ICE1: variants seen among roughly 807,000 people sequenced by gnomAD.
ICE1 encodes little elongation complex subunit 1.
ICE1 carries 64 observed loss-of-function variants against 192.7 expected under a neutral mutation model. The observed-to-expected ratio is 0.33, with a 90% confidence interval of 0.27 to 0.41. ICE1 has a LOEUF of 0.41. ICE1 is among the 10% of genes least tolerant of loss of function. The probability of loss-of-function intolerance (pLI) is 1.00; values close to 1 mark genes in which losing one functional copy is unlikely to be tolerated. For synonymous variants in ICE1, 1,010 were observed against 984.5 expected (o/e 1.03, Z -0.49); for missense variants, 2,708 against 2,696.0 (o/e 1.00, Z -0.10).
chr5:5,469,532 A>C (rs973123534), intron 15 of ICE1, among the ~76,000 whole-genome samples: 1 of 152,170 alleles, frequency 6.6e-6, no homozygotes, highest in Non-Finnish European at 1.5e-5. Flanking sequence ...TTACCTAATG[A>C]GAGTCTAACT....
Position 5,475,953 on chromosome 5 carries a change from T to C in ICE1, c.6414-20T>C, listed in dbSNP as rs769793307. The stretch of plus-strand genomic sequence containing the variant: ...TTGAGTGATGATGAGCATACATCTT[T>C]TCATGTTGTTTTTTTATAGTAAGGA... On this transcript the variant is annotated intron_variant, in intron 16 of 18. Transcript: ENST00000296564. 3 of 1,428,416 alleles carry C rather than the reference T, an allele frequency of 2.1e-6. No homozygotes were observed. In the Admixed American group the frequency reaches 5.2e-5, roughly 25 times the overall value. The allele number at this position is 1,428,416 out of a possible 1,614,324, so 88.5% of individuals were successfully genotyped here. A position where few individuals can be genotyped will look rare whatever the true frequency, so the allele number is the denominator to read the frequency against.
chr5:5,431,953 T>C (rs1737723006), intron 1 of ICE1, among the ~76,000 whole-genome samples: 1 of 152,178 alleles, frequency 6.6e-6, no homozygotes, highest in East Asian at 1.9e-4. Flanking sequence ...TTTCCTTCTT[T>C]CTCGTGTCTG....
At chr5:5,482,959 A>G (rs1171981144) in intron 17 of ICE1, among the ~76,000 whole-genome samples, 1 of 152,082 alleles carries the variant, frequency 6.6e-6, no homozygotes. Context: ...GTCACACACT[A>G]ATCTTCATAA....
In ICE1 at chr5:5,479,372, G is replaced by A. The variant is rs114321394; in HGVS notation, c.6520+3293G>A. 6.4e-3 allele frequency among the ~76,000 whole-genome samples: 978 copies of A among 152,290 alleles called. 10 individuals carry two copies. The highest frequency in any genetic ancestry group is 0.022 in the African/African-American group (913 of 41,536). On this transcript the variant is annotated intron_variant, in intron 17 of 18. Transcript: ENST00000296564. Reference sequence around the variant, plus strand: ...ATCATTCACTGGTTATTAGAGAAACGCAAATCAAAACCACTATGAGGTACC... The same window carrying A: ...ATCATTCACTGGTTATTAGAGAAACACAAATCAAAACCACTATGAGGTACC...
chr5:5,455,532 T>A (rs1450628719), intron 11 of ICE1, among the ~76,000 whole-genome samples: 4 of 152,258 alleles, frequency 2.6e-5, no homozygotes. Context: ...TTTGATTTTA[T>A]GTTGTCAAGC....
Position 5,461,086 on chromosome 5 carries a change from T to C in ICE1, c.1752T>C (p.His584=). Residue 584 remains histidine (H), a synonymous_variant, in exon 13 of 19, where the codon CAT becomes CAC. Transcript: ENST00000296564. ...SEPDRITVSG[H]FHRLSRELEK... is the part of the protein sequence containing the mutation. ...CAGACCGTATCACAGTTTCTGGCCATTTTCACAGACTATCTAGAGAATTGG... is the reference window on the plus strand; with the variant it reads ...CAGACCGTATCACAGTTTCTGGCCACTTTCACAGACTATCTAGAGAATTGG... The C allele has an allele frequency of 1.2e-6, 2 of 1,614,038 alleles. No homozygotes were observed. Among genetic ancestry groups the C allele is most frequent in the Non-Finnish European group, 1.7e-6 (2 of 1,179,884 alleles).
Position 5,463,712 on chromosome 5 carries a change from G to GGAA in ICE1, c.4379_4380insAAG (p.Gly1460_Cys1461insSer). ...TCAGGATCAAGGAGAGCTGGAAGCT[G>GGAA]GTTGCATCCCAGTGACTTCTGCTGA... On this transcript the variant is annotated inframe_insertion, in exon 13 of 19. Coordinates refer to ENST00000296564, the MANE Select transcript of ICE1 (RefSeq NM_015325.3). The GGAA allele has an allele frequency of 6.2e-7, 1 of 1,613,914 alleles. No homozygotes were observed. The highest frequency in any genetic ancestry group is 8.5e-7 in the Non-Finnish European group (1 of 1,179,860).
At chr5:5,426,822 C>T (rs979326881) in intron 1 of ICE1, among the ~76,000 whole-genome samples, 1 of 152,194 alleles carries the variant, frequency 6.6e-6, no homozygotes, top group Non-Finnish European at 1.5e-5. Flanking sequence ...ATTATAACTA[C>T]GTGAAGTTCC....
chr5:5,477,348 T>C (rs1739348000), intron 17 of ICE1, among the ~76,000 whole-genome samples: 1 of 152,184 alleles, frequency 6.6e-6, no homozygotes, highest in Non-Finnish European at 1.5e-5. Flanking sequence ...CATCAGAGAA[T>C]ACTGTAAACA....
chr5:5,437,555 G>GTA (rs919297853), intron 3 of ICE1: 14 of 163,466 alleles, frequency 8.6e-5, no homozygotes, highest in South Asian at 6.8e-4. Context: ...AAATGTGTGT[G>GTA]TATATATATA....
At chr5:5,471,345 T>G (rs1014889600) in intron 15 of ICE1, among the ~76,000 whole-genome samples, 4 of 151,352 alleles carry the variant, frequency 2.6e-5, no homozygotes, top group African/African-American at 9.7e-5. Flanking sequence ...GATTAAAACT[T>G]TTCTGTACAA....
chr5:5,463,557 T>A lies in ICE1; in HGVS notation c.4223T>A (p.Val1408Glu), dbSNP rs1364928848. 1.2e-6 allele frequency: 2 copies of A among 1,613,974 alleles called. No individual in the cohort carries two copies. Among genetic ancestry groups the A allele is most frequent in the Non-Finnish European group, 8.5e-7 (1 of 1,179,850 alleles). Residue 1408 changes from valine to glutamate, a missense_variant, in exon 13 of 19, where the codon GTA (valine) becomes GAA (glutamate). Transcript: ENST00000296564. ...ACAGTGACCTCAGAAGTTATAAACGTACTTATAAATAAGGATCAGAATCTA... is the reference window on the plus strand; with the variant it reads ...ACAGTGACCTCAGAAGTTATAAACGAACTTATAAATAAGGATCAGAATCTA... The part of the protein sequence containing the change: ...IATVTSEVIN[V>E]LINKDQNLVI...
chr5:5,457,537 T>A lies in ICE1; in HGVS notation c.897T>A (p.Asn299Lys), dbSNP rs1349914577. 1.9e-6 allele frequency: 3 copies of A among 1,613,914 alleles called. No individual in the cohort carries two copies. The African/African-American group carries it at 4.0e-5, about 22-fold the overall frequency. Residue 299 changes from asparagine to lysine, a missense_variant, in exon 12 of 19, where the codon AAT becomes AAA. Asn to Lys is a moderately conservative substitution (Grantham distance 94, BLOSUM62 0). Coordinates refer to ENST00000296564, the MANE Select transcript of ICE1 (RefSeq NM_015325.3). ...ATTGTAGTTCTGACCATGTTTTTAA[T>A]GAGAATGGAAATCTTGAGGTTTTAG... ...GTNCSSDHVF[N>K]ENGNLEVLVQ...
In ICE1 at chr5:5,436,434, T is replaced by G; in HGVS notation, c.101T>G (p.Val34Gly). The stretch of plus-strand genomic sequence containing the variant: ...TTCTTTCAGAATTTGAATGAATATG[T>G]TGAAGCATTAATTACCTTGAAACAA... ...ASLQQNLNEY[V>G]EALITLKQKI... is the part of the protein sequence containing the mutation. Residue 34 changes from valine (V) to glycine (G), a missense_variant, in exon 2 of 19, where the codon GTT becomes GGT. Val to Gly is a moderately radical substitution (Grantham distance 109). This residue lies in a region of ICE1 where 2,366 missense variants were observed against 2,276.6 expected (regional missense o/e 1.04). Coordinates refer to ENST00000296564, the MANE Select transcript of ICE1 (RefSeq NM_015325.3). 1 of 1,478,302 alleles carries G rather than the reference T, an allele frequency of 6.8e-7. No individual in the cohort carries two copies. Among genetic ancestry groups the G allele is most frequent in the Non-Finnish European group, 9.0e-7 (1 of 1,111,712 alleles). 91.6% of individuals were successfully genotyped at this position (1,478,302 alleles called of 1,614,324 possible).
intron 12 of ICE1, 68 bp downstream of exon 12, chr5:5,457,809 C>T (rs1020472716): frequency 7.9e-6 from 11 of 1,398,282 alleles, no homozygotes. Flanking sequence ...GTCCTTGATG[C>T]TCAAAGGATA....
At chr5:5,473,316 T>A (rs1391521152) in intron 15 of ICE1, among the ~76,000 whole-genome samples, 1 of 152,242 alleles carries the variant, frequency 6.6e-6, no homozygotes, top group Non-Finnish European at 1.5e-5. Flanking sequence ...AGGTAAGCTC[T>A]TTTCTACCTG....
intron 1 of ICE1, 122 bp downstream of exon 1, chr5:5,423,121 G>A (rs890461256): frequency 4.3e-5 from 21 of 488,664 alleles, no homozygotes; most frequent in Admixed American, 9.0e-5. Context: ...CTTCCCAACC[G>A]TAGCTCTTGC....
chr5:5,454,707 C>T lies in ICE1; in HGVS notation c.691+69C>T, dbSNP rs1484074024. ...CAGAGCTTAACCATAGGCATAGCAG[C>T]CGTTACTTTTTAATAGCTCCTGATT... On this transcript the variant is annotated intron_variant, in intron 11 of 18. Transcript: ENST00000296564. The T allele has an allele frequency of 1.2e-5, 14 of 1,149,056 alleles. No individual in the cohort carries two copies. In the Admixed American group the frequency reaches 2.8e-4, roughly 23 times the overall value. The allele number at this position is 1,149,056 out of a possible 1,614,324, so 71.2% of individuals were successfully genotyped here.
In ICE1 at chr5:5,473,736, A is replaced by G; in HGVS notation, c.6401A>G (p.Asp2134Gly). The G allele has an allele frequency of 6.3e-7, 1 of 1,595,514 alleles. No homozygotes were observed. The highest frequency in any genetic ancestry group is 1.2e-5 in the South Asian group (1 of 86,712). Residue 2134 changes from aspartate (D) to glycine (G), a missense_variant, in exon 16 of 19, where the codon GAT becomes GGT. Transcript: ENST00000296564. ...CATCAGAAATGGATCTGGACGCATG[A>G]TAACATCATAAGGTTAGTTATTTTA... is the stretch of plus-strand genomic sequence containing the variant. The part of the protein sequence containing the change: ...CCHQKWIWTH[D>G]NIISKELWPV...
Sources: allele counts gnomAD v4.1 joint callset (sites outside exome capture counted in the v4.1 genomes callset), GRCh38; gene constraint gnomAD v4.1.1; regional missense constraint gnomAD v4.1.1; transcripts MANE v1.5; gene names NCBI Gene and HGNC (gene_info 2026-07-23, HGNC 2026-07-21).